Variants in SLIT3 observed in about 807,000 individuals in gnomAD.
The protein encoded by SLIT3 is slit homolog 3 protein.
SLIT3 carries 68 observed loss-of-function variants against 184.0 expected under a neutral mutation model. The ratio of observed to expected loss-of-function variants is 0.37; its 90% CI spans 0.30 to 0.45. The LOEUF (loss-of-function observed/expected upper bound fraction) is 0.45. Ranked by LOEUF, SLIT3 falls within the 20% of genes least tolerant of loss-of-function variation. The probability of loss-of-function intolerance (pLI) is 1.00; values close to 1 mark genes in which losing one functional copy is unlikely to be tolerated. For missense variants in SLIT3, 1,707 were observed against 2,026.0 expected (o/e 0.84, Z 3.02); for synonymous variants, 831 against 828.6 (o/e 1.00, Z -0.05).
In SLIT3 at chr5:168,671,286, C is replaced by T. The variant is rs1431131352; in HGVS notation, c.4039G>A (p.Glu1347Lys). The T allele has an allele frequency of 1.2e-6, 2 of 1,613,858 alleles. No individual in the cohort carries two copies. Among genetic ancestry groups the T allele is most frequent in the East Asian group, 2.2e-5 (1 of 44,882 alleles). ...CACTCGCACACCACGCTGTCCTTCTCCACGGAGCGGCACAGGCCGTGCTTG... is the reference window on the plus strand; with the variant it reads ...CACTCGCACACCACGCTGTCCTTCTTCACGGAGCGGCACAGGCCGTGCTTG... ...VCKHGLCRSV[E>K]KDSVVCECRP... The change falls in exon 34 of 36, where the codon GAG becomes AAG. Residue 1347 changes from glutamate (E) to lysine (K), a missense_variant. This residue lies in a region of SLIT3 where 387 missense variants were observed against 477.9 expected (regional missense o/e 0.81). Coordinates refer to ENST00000519560, the MANE Select transcript of SLIT3 (RefSeq NM_003062.4).
intron 2 of SLIT3, among the ~76,000 whole-genome samples, 199 bp from the exon 3 acceptor site, chr5:169,244,975 A>C (rs905273594): frequency 1.3e-5 from 2 of 152,182 alleles, no homozygotes; most frequent in Admixed American, 6.5e-5. Context: ...CCGCCTGCAC[A>C]CTTCTACCTG....
rs1368223715 is a variant in SLIT3, at chr5:169,193,426, T to A, written c.413+53A>T. On this transcript the variant is annotated intron_variant, in intron 4 of 35. Transcript: ENST00000519560. ...CGCTCCACAAACCACATCCTCCACA[T>A]CACCCAAGCCAGGCAAGGCACAAGG... 2.0e-5 allele frequency: 29 copies of A among 1,481,508 alleles called. No individual in the cohort carries two copies. The South Asian group carries it at 2.9e-4, about 15-fold the overall frequency. 91.8% of individuals were successfully genotyped at this position (1,481,508 alleles called of 1,614,324 possible).
At chr5:168,759,994 A>G (rs776746706) in intron 16 of SLIT3, among the ~76,000 whole-genome samples, 33 of 152,172 alleles carry the variant, frequency 2.2e-4, no homozygotes, top group Admixed American at 1.9e-3. Flanking sequence ...GATGAGGAGA[A>G]GCAAGCCAGC....
intron 8 of SLIT3, among the ~76,000 whole-genome samples, chr5:168,808,907 A>AGCACACCT (rs558228185): frequency 2.0e-4 from 31 of 152,222 alleles, no homozygotes; most frequent in African/African-American, 7.0e-4. Flanking sequence ...TCAAAAGGAG[A>AGCACACCT]GCACACCTGA....
intron 9 of SLIT3, among the ~76,000 whole-genome samples, chr5:168,796,420 G>A (rs570588436): frequency 1.3e-5 from 2 of 152,300 alleles, no homozygotes; most frequent in African/African-American, 4.8e-5. Context: ...AGGCATGTGG[G>A]GGAGGTGGGG....
intron 4 of SLIT3, among the ~76,000 whole-genome samples, chr5:169,055,853 A>C (rs1355440839): frequency 6.6e-6 from 1 of 152,050 alleles, no homozygotes; most frequent in South Asian, 2.1e-4. Context: ...AAAAGAAAAA[A>C]GAAAAAGAAG....
intron 6 of SLIT3, among the ~76,000 whole-genome samples, chr5:168,825,388 G>A (rs1046008543): frequency 4.6e-5 from 7 of 152,136 alleles, no homozygotes; most frequent in South Asian, 2.1e-4. Flanking sequence ...CAGACTATCC[G>A]TGTAATCCCC....
intron 3 of SLIT3, among the ~76,000 whole-genome samples, chr5:169,225,282 G>A (rs1206968366): frequency 2.0e-5 from 3 of 152,204 alleles, no homozygotes; most frequent in African/African-American, 7.2e-5. Flanking sequence ...CACTCCCACT[G>A]CAAGTGGGTG....
chr5:168,678,808 T>C (rs1191372289), intron 32 of SLIT3, among the ~76,000 whole-genome samples: 2 of 152,084 alleles, frequency 1.3e-5, no homozygotes, highest in Admixed American at 1.3e-4. Context: ...CAACCTAAGG[T>C]TCACACTAAA....
chr5:169,076,622 G>A (rs778006955), intron 4 of SLIT3, among the ~76,000 whole-genome samples: 1 of 152,118 alleles, frequency 6.6e-6, no homozygotes, highest in East Asian at 1.9e-4. Context: ...GAGAGAGAGG[G>A]TGGAAGAAAT....
intron 4 of SLIT3, among the ~76,000 whole-genome samples, chr5:169,117,280 C>T (rs1760708935): frequency 6.6e-6 from 1 of 152,158 alleles, no homozygotes; most frequent in African/African-American, 2.4e-5. Context: ...AAGCACGGCT[C>T]CATGCCCGGA....
chr5:169,065,526 A>T (rs1413116963), intron 4 of SLIT3, among the ~76,000 whole-genome samples: 5 of 152,174 alleles, frequency 3.3e-5, no homozygotes, highest in Non-Finnish European at 7.3e-5. Flanking sequence ...CTGGGGAATG[A>T]ATGGGAGGAG....
chr5:169,118,689 T>C (rs891311397), intron 4 of SLIT3, among the ~76,000 whole-genome samples: 6 of 152,166 alleles, frequency 3.9e-5, no homozygotes, highest in Non-Finnish European at 8.8e-5. Flanking sequence ...CCAGCAGTTG[T>C]TACAAGGAGT....
At chr5:168,965,028 C>T (rs1322416400) in intron 4 of SLIT3, among the ~76,000 whole-genome samples, 1 of 152,152 alleles carries the variant, frequency 6.6e-6, no homozygotes, top group Non-Finnish European at 1.5e-5. Context: ...CACTCACATC[C>T]CTGAAAGAGA....
At chr5:169,151,877 C>T (rs1265869678) in intron 4 of SLIT3, among the ~76,000 whole-genome samples, 1 of 152,212 alleles carries the variant, frequency 6.6e-6, no homozygotes, top group Non-Finnish European at 1.5e-5. Flanking sequence ...GCCCCTGCCT[C>T]TTACAAGCTG....
intron 4 of SLIT3, among the ~76,000 whole-genome samples, chr5:169,110,677 G>A (rs974391049): frequency 6.6e-6 from 1 of 152,164 alleles, no homozygotes; most frequent in Non-Finnish European, 1.5e-5. Context: ...GATATTGGAG[G>A]TTAGGACTTC....
intron 4 of SLIT3, among the ~76,000 whole-genome samples, chr5:169,129,684 A>G (rs913812979): frequency 6.6e-6 from 1 of 152,226 alleles, no homozygotes; most frequent in Non-Finnish European, 1.5e-5. Context: ...CTGAGGAGAC[A>G]TAACAACTGA....
At chr5:168,779,372 G>A (rs1392531063) in intron 12 of SLIT3, among the ~76,000 whole-genome samples, 1 of 152,146 alleles carries the variant, frequency 6.6e-6, no homozygotes, top group East Asian at 1.9e-4. Flanking sequence ...TTTACAATAA[G>A]GCAGAACAAC....
rs142603540 is a variant in SLIT3 at position 169,041,308 on chromosome 5, C to T, written c.413+152171G>A. 3.0e-3 allele frequency among the ~76,000 whole-genome samples: 459 copies of T among 152,320 alleles called. 1 individual carries two copies. The highest frequency in any genetic ancestry group is 5.2e-3 in the Non-Finnish European group (352 of 68,026). On this transcript the variant is annotated intron_variant, in intron 4 of 35. Coordinates refer to ENST00000519560, the MANE Select transcript of SLIT3 (RefSeq NM_003062.4). ...TGGGGATAAAGATGTGAATGAGACACAGTCCTTGTTCTCGTGGATCTCAGT... is the reference window on the plus strand; with the variant it reads ...TGGGGATAAAGATGTGAATGAGACATAGTCCTTGTTCTCGTGGATCTCAGT...
Sources: gnomAD v4.1 joint callset for allele counts (sites outside exome capture counted in the v4.1 genomes callset) on GRCh38, gnomAD v4.1.1 for gene constraint, gnomAD v4.1.1 regional missense constraint, MANE v1.5 for transcripts, NCBI Gene and HGNC (gene_info 2026-07-23, HGNC 2026-07-21) for gene names.